KCNA1: variants seen among roughly 807,000 people sequenced by gnomAD.
KCNA1 encodes the protein potassium voltage-gated channel subfamily A member 1.
A neutral mutation model predicts 28.8 loss-of-function variants in KCNA1; 19 were observed. The ratio of observed to expected loss-of-function variants is 0.66; its 90% confidence interval spans 0.46 to 0.97. The LOEUF is 0.97. Ranked by LOEUF, KCNA1 falls within the 50% of genes least tolerant of loss-of-function variation. The probability of loss-of-function intolerance (pLI) is 0.00; values close to 1 mark genes in which losing one functional copy is unlikely to be tolerated. For missense variants in KCNA1, 419 were observed against 659.7 expected, an observed-to-expected ratio of 0.64 and a Z score of 4.00; for synonymous variants, 311 against 268.8, an observed-to-expected ratio of 1.16 and a Z score of -1.53.
In KCNA1 at chr12:4,912,587, C is replaced by T. The variant is rs1475577782; in HGVS notation, c.1209C>T (p.Pro403=). 1.9e-6 allele frequency: 3 copies of T among 1,613,796 alleles called. No homozygotes were observed. Among genetic ancestry groups the T allele is most frequent in the East Asian group, 2.2e-5 (1 of 44,832 alleles). ...AIAGVLTIAL[P]VPVIVSNFNY... ...CTGGTGTGCTAACAATTGCCCTGCCCGTACCTGTCATTGTGTCCAATTTCA... is the reference window on the plus strand; with the variant it reads ...CTGGTGTGCTAACAATTGCCCTGCCTGTACCTGTCATTGTGTCCAATTTCA... Residue 403 remains proline, a synonymous_variant, in exon 2 of 2, where the codon CCC becomes CCT. Coordinates refer to ENST00000382545, the MANE Select transcript of KCNA1 (RefSeq NM_000217.3).
rs1004546607 is a variant in KCNA1, at chr12:4,915,852, C to G, written c.*2986C>G. ...GACTTTGGGTATTTGGTATATTTAC[C>G]GTGGTTACACTCTGGACTGGTTGAT... is the stretch of plus-strand genomic sequence containing the variant. On this transcript the variant is annotated 3_prime_UTR_variant, in exon 2 of 2. Transcript: ENST00000382545. 9 of 167,046 alleles carry G rather than the reference C, an allele frequency of 5.4e-5. No individual in the cohort carries two copies. Among genetic ancestry groups the G allele is most frequent in the Non-Finnish European group, 1.5e-5 (1 of 68,156 alleles). The allele number at this position is 167,046 out of a possible 1,614,324, so 10.3% of individuals were successfully genotyped here.
In KCNA1 at chr12:4,911,927, C is replaced by T. The variant is rs1947354496; in HGVS notation, c.549C>T (p.Ile183=). The T allele has an allele frequency of 6.2e-7, 1 of 1,614,082 alleles. No homozygotes were observed. ...TGGTCATCCTCATCTCCATCGTCAT[C>T]TTTTGCCTGGAGACGCTCCCCGAGC... ...SVMVILISIV[I]FCLETLPELK... is the part of the protein sequence containing the mutation. The change falls in exon 2 of 2, where the codon ATC becomes ATT. Residue 183 remains isoleucine (I), a synonymous_variant. Coordinates refer to ENST00000382545, the MANE Select transcript of KCNA1 (RefSeq NM_000217.3). This position sits in a 1 kb window ranked among gnomAD's most constrained non-coding sequence, Gnocchi z 6.6.
rs1010098226 is a variant in KCNA1 at position 4,917,465 on chromosome 12, C to A, written c.*4599C>A. On this transcript the variant is annotated 3_prime_UTR_variant, in exon 2 of 2. Coordinates refer to ENST00000382545, the MANE Select transcript of KCNA1 (RefSeq NM_000217.3). ...CCATTACCTTGGGTCACTGTGCAAACTAATTCAGGGTACAGATATAAAGTT... is the reference window on the plus strand; with the variant it reads ...CCATTACCTTGGGTCACTGTGCAAAATAATTCAGGGTACAGATATAAAGTT... 2 of 167,062 alleles carry A rather than the reference C, an allele frequency of 1.2e-5. No individual in the cohort carries two copies. Among genetic ancestry groups the A allele is most frequent in the Non-Finnish European group, 2.9e-5 (2 of 68,114 alleles). The allele number at this position is 167,062 out of a possible 1,614,324, so 10.3% of individuals were successfully genotyped here.
In KCNA1 at chr12:4,915,411, C is replaced by T. The variant is rs1488167693; in HGVS notation, c.*2545C>T. ...TAGAACTAGCAGTGAGGCAATCACC[C>T]TAGAAACTCGAGTTACACCCATTCT... On this transcript the variant is annotated 3_prime_UTR_variant, in exon 2 of 2. Transcript: ENST00000382545. The T allele has an allele frequency of 6.0e-6, 1 of 167,054 alleles. No homozygotes were observed. Among genetic ancestry groups the T allele is most frequent in the Non-Finnish European group, 1.5e-5 (1 of 68,128 alleles). 10.3% of individuals were successfully genotyped at this position (167,054 alleles called of 1,614,324 possible). A position where few individuals can be genotyped will look rare whatever the true frequency, so the allele number is the denominator to read the frequency against.
chr12:4,917,867 G>C lies in KCNA1; in HGVS notation c.*5001G>C, dbSNP rs888396558. The C allele has an allele frequency of 1.8e-5, 3 of 167,014 alleles. No homozygotes were observed. Among genetic ancestry groups the C allele is most frequent in the African/African-American group, 7.2e-5 (3 of 41,436 alleles). 10.3% of individuals were successfully genotyped at this position (167,014 alleles called of 1,614,324 possible). ...CTGTTTTGGGACTGTTTATGCAGCA[G>C]ATGTAAGTAGACAACATGGACTCCA... On this transcript the variant is annotated 3_prime_UTR_variant, in exon 2 of 2. Transcript: ENST00000382545.
Position 4,911,986 on chromosome 12 carries a change from A to C in KCNA1, c.608A>C (p.His203Pro), listed in dbSNP as rs1185396833. 1.2e-6 allele frequency: 2 copies of C among 1,614,156 alleles called. No homozygotes were observed. Among genetic ancestry groups the C allele is most frequent in the Non-Finnish European group, 1.7e-6 (2 of 1,180,028 alleles). The change falls in exon 2 of 2, where the codon CAC (histidine) becomes CCC (proline). Residue 203 changes from histidine to proline, a missense_variant. His to Pro is a moderately conservative substitution (Grantham distance 77, BLOSUM62 -2). Coordinates refer to ENST00000382545, the MANE Select transcript of KCNA1 (RefSeq NM_000217.3). The surrounding 1 kb of genome is among the most constrained non-coding windows in gnomAD (Gnocchi z 6.6). Reference protein sequence around the residue: ...KDDKDFTGTVHRIDNTTVIYN... With the variant: ...KDDKDFTGTVPRIDNTTVIYN... ...GACAAGGACTTCACGGGCACCGTCCACCGCATCGACAACACCACGGTCATC... is the reference window on the plus strand; with the variant it reads ...GACAAGGACTTCACGGGCACCGTCCCCCGCATCGACAACACCACGGTCATC...
At position 4,912,885 on chromosome 12, in the gene KCNA1, CA is replaced by C. The variant is rs1260201231; in HGVS notation, c.*25del. On this transcript the variant is annotated 3_prime_UTR_variant, in exon 2 of 2. Transcript: ENST00000382545. ...TGTTTAAAAAACAAAGGCAAGCAAA[CA>C]AAAAAGCCCCACTTAGCAGCTCAAA... 1.3e-6 allele frequency: 2 copies of C among 1,545,808 alleles called. No homozygotes were observed. The highest frequency in any genetic ancestry group is 1.1e-5 in the South Asian group (1 of 89,562).
chr12:4,912,017 T>G lies in KCNA1; in HGVS notation c.639T>G (p.Asn213Lys), dbSNP rs761073190. The G allele has an allele frequency of 1.9e-6, 3 of 1,614,154 alleles. No homozygotes were observed. The Admixed American group carries it at 5.0e-5, about 27-fold the overall frequency. ...HRIDNTTVIYNSNIFTDPFFI... is the reference protein window; with the variant it reads ...HRIDNTTVIYKSNIFTDPFFI... ...TCGACAACACCACGGTCATCTACAA[T>G]TCCAACATCTTCACAGACCCCTTCT... Residue 213 changes from asparagine (N) to lysine (K), a missense_variant, in exon 2 of 2, where the codon AAT becomes AAG. By Grantham distance (94) the Asn-to-Lys change is moderately conservative. This residue lies in a region of KCNA1 where 217 missense variants were observed against 329.6 expected (regional missense o/e 0.66). Coordinates refer to ENST00000382545, the MANE Select transcript of KCNA1 (RefSeq NM_000217.3).
rs767068909 is a variant in KCNA1, at chr12:4,912,760, T to C, written c.1382T>C (p.Met461Thr). 7 of 1,613,970 alleles carry C rather than the reference T, an allele frequency of 4.3e-6. No individual in the cohort carries two copies. Among genetic ancestry groups the C allele is most frequent in the South Asian group, 1.1e-5 (1 of 91,080 alleles). ...GAGTACATGGAGATCGAAGAGGATA[T>C]GAATAATAGCATAGCCCATTATAGA... Reference protein sequence around the residue: ...KSEYMEIEEDMNNSIAHYRQV... With the variant: ...KSEYMEIEEDTNNSIAHYRQV... Residue 461 changes from methionine (M) to threonine (T), a missense_variant, in exon 2 of 2, where the codon ATG becomes ACG. Met to Thr is a moderately conservative substitution (Grantham distance 81). Around this residue, in one of 4 missense-constraint regions of KCNA1, gnomAD observed 81 missense variants for 86.5 expected, o/e 0.94. Transcript: ENST00000382545.
rs1793124111 is a variant in KCNA1 at position 4,917,456 on chromosome 12, C to T, written c.*4590C>T. On this transcript the variant is annotated 3_prime_UTR_variant, in exon 2 of 2. Transcript: ENST00000382545. The stretch of plus-strand genomic sequence containing the variant: ...AAAACTGTTCCATTACCTTGGGTCA[C>T]TGTGCAAACTAATTCAGGGTACAGA... The T allele has an allele frequency of 6.0e-6, 1 of 167,086 alleles. No individual in the cohort carries two copies. The highest frequency in any genetic ancestry group is 2.4e-5 in the African/African-American group (1 of 41,446). The allele number at this position is 167,086 out of a possible 1,614,324, so 10.4% of individuals were successfully genotyped here.
Position 4,911,732 on chromosome 12 carries a change from G to A in KCNA1, c.354G>A (p.Lys118=), listed in dbSNP as rs375267715. ...VPLDMFSEEI[K]FYELGEEAME... ...TGGACATGTTCTCCGAGGAGATCAA[G>A]TTTTACGAGTTGGGCGAGGAGGCCA... is the stretch of plus-strand genomic sequence containing the variant. Residue 118 remains lysine (K), a synonymous_variant, in exon 2 of 2, where the codon AAG becomes AAA. Coordinates refer to ENST00000382545, the MANE Select transcript of KCNA1 (RefSeq NM_000217.3). The surrounding 1 kb of genome is among the most constrained non-coding windows in gnomAD (Gnocchi z 6.6). The A allele has an allele frequency of 4.3e-6, 7 of 1,614,072 alleles. No homozygotes were observed. Among genetic ancestry groups the A allele is most frequent in the Non-Finnish European group, 5.9e-6 (7 of 1,180,046 alleles).
In KCNA1 at chr12:4,912,849, C is replaced by G; in HGVS notation, c.1471C>G (p.Leu491Val). The change falls in exon 2 of 2, where the codon CTA becomes GTA. Residue 491 changes from leucine (L) to valine (V), a missense_variant. Leu to Val is a conservative substitution (Grantham distance 32). Around this residue, in one of 4 missense-constraint regions of KCNA1, gnomAD observed 81 missense variants for 86.5 expected, o/e 0.94. Transcript: ENST00000382545. ...CCAAAACTGCGTTAATAAGAGCAAGCTACTGACCGATGTTTAAAAAACAAA... is the reference window on the plus strand; with the variant it reads ...CCAAAACTGCGTTAATAAGAGCAAGGTACTGACCGATGTTTAAAAAACAAA... ...ANQNCVNKSK[L>V]LTDV The G allele has an allele frequency of 6.2e-7, 1 of 1,612,608 alleles. No homozygotes were observed. The highest frequency in any genetic ancestry group is 1.3e-5 in the African/African-American group (1 of 75,022).
Position 4,911,009 on chromosome 12 carries a change from C to T in KCNA1, c.-370C>T. On this transcript the variant is annotated 5_prime_UTR_variant, in exon 2 of 2. Coordinates refer to ENST00000382545, the MANE Select transcript of KCNA1 (RefSeq NM_000217.3). This position sits in a 1 kb window ranked among gnomAD's most constrained non-coding sequence, Gnocchi z 6.6. The stretch of plus-strand genomic sequence containing the variant: ...AGGGGAGGGGAGGCCAGGGCGACCC[C>T]CGAAGCAATGGCCCAGTCCGCTAGA... 3.6e-6 allele frequency: 1 copy of T among 275,860 alleles called. No individual in the cohort carries two copies. Among genetic ancestry groups the T allele is most frequent in the South Asian group, 4.6e-5 (1 of 21,972 alleles). 17.1% of individuals were successfully genotyped at this position (275,860 alleles called of 1,614,324 possible). A position where few individuals can be genotyped will look rare whatever the true frequency, so the allele number is the denominator to read the frequency against.
rs749022231 is a variant in KCNA1 at position 4,910,936 on chromosome 12, G to C, written c.-443G>C. On this transcript the variant is annotated 5_prime_UTR_variant, in exon 2 of 2. Transcript: ENST00000382545. The surrounding 1 kb of genome is among the most constrained non-coding windows in gnomAD (Gnocchi z 4.9). ...GAGAAGCAGAGAGGGTGGCAGGCGT[G>C]GGGATCTGCCGAGCCGGCACTGCAC... 7 of 197,400 alleles carry C rather than the reference G, an allele frequency of 3.5e-5. No individual in the cohort carries two copies. Among genetic ancestry groups the C allele is most frequent in the Non-Finnish European group, 2.1e-5 (2 of 96,614 alleles). The allele number at this position is 197,400 out of a possible 1,614,324, so 12.2% of individuals were successfully genotyped here.
In KCNA1 at chr12:4,911,181, G is replaced by A; in HGVS notation, c.-198G>A. 1 of 604,430 alleles carries A rather than the reference G, an allele frequency of 1.7e-6. No homozygotes were observed. The allele number at this position is 604,430 out of a possible 1,614,324, so 37.4% of individuals were successfully genotyped here. ...GAGGGGGATTCCAAACTGAGTGAAA[G>A]GCAGGGTGGAGGGGAAGGCAGCGAG... On this transcript the variant is annotated 5_prime_UTR_variant, in exon 2 of 2. Coordinates refer to ENST00000382545, the MANE Select transcript of KCNA1 (RefSeq NM_000217.3). The surrounding 1 kb of genome is among the most constrained non-coding windows in gnomAD (Gnocchi z 6.6).
chr12:4,912,984 G>GA lies in KCNA1; in HGVS notation c.*120dup, dbSNP rs1465572800. 8.8e-6 allele frequency: 7 copies of GA among 793,634 alleles called. No individual in the cohort carries two copies. In the African/African-American group the frequency reaches 1.2e-4, roughly 14 times the overall value. The allele number at this position is 793,634 out of a possible 1,614,324, so 49.2% of individuals were successfully genotyped here. ...GTAGATACTTTACTAAGTAGACTTG[G>GA]AATGCTCTATTTAACTGTCAATGCG... On this transcript the variant is annotated 3_prime_UTR_variant, in exon 2 of 2. Coordinates refer to ENST00000382545, the MANE Select transcript of KCNA1 (RefSeq NM_000217.3).
Position 4,915,139 on chromosome 12 carries a change from C to G in KCNA1, c.*2273C>G, listed in dbSNP as rs1163403022. 2 of 118,934 alleles carry G rather than the reference C, an allele frequency of 1.7e-5. No individual in the cohort carries two copies. Among genetic ancestry groups the G allele is most frequent in the Non-Finnish European group, 4.6e-5 (2 of 43,452 alleles). The allele number at this position is 118,934 out of a possible 1,614,324, so 7.4% of individuals were successfully genotyped here. On this transcript the variant is annotated 3_prime_UTR_variant, in exon 2 of 2. Coordinates refer to ENST00000382545, the MANE Select transcript of KCNA1 (RefSeq NM_000217.3). ...AGGTTGAACATCTAACTTCTGCTGCCCCCCCGTTACCCAGCCCAGAGAATG... is the reference window on the plus strand; with the variant it reads ...AGGTTGAACATCTAACTTCTGCTGCGCCCCCGTTACCCAGCCCAGAGAATG...
At position 4,911,155 on chromosome 12, in the gene KCNA1, C is replaced by G. The variant is rs1947347895; in HGVS notation, c.-224C>G. ...CAAAAAGCTGCACCCGGCCCGCAGGCGAGGGGGATTCCAAACTGAGTGAAA... is the reference window on the plus strand; with the variant it reads ...CAAAAAGCTGCACCCGGCCCGCAGGGGAGGGGGATTCCAAACTGAGTGAAA... On this transcript the variant is annotated 5_prime_UTR_variant, in exon 2 of 2. Coordinates refer to ENST00000382545, the MANE Select transcript of KCNA1 (RefSeq NM_000217.3). The surrounding 1 kb of genome is among the most constrained non-coding windows in gnomAD (Gnocchi z 6.6). 1 of 599,166 alleles carries G rather than the reference C, an allele frequency of 1.7e-6. No individual in the cohort carries two copies. The highest frequency in any genetic ancestry group is 3.0e-6 in the Non-Finnish European group (1 of 336,738). 37.1% of individuals were successfully genotyped at this position (599,166 alleles called of 1,614,324 possible).
rs766618582 is a variant in KCNA1 at position 4,912,047 on chromosome 12, C to T, written c.669C>T (p.Ile223=). ...NSNIFTDPFF[I]VETLCIIWFS... is the part of the protein sequence containing the mutation. ...ACATCTTCACAGACCCCTTCTTCAT[C>T]GTGGAAACGCTGTGTATCATCTGGT... The change falls in exon 2 of 2, where the codon ATC becomes ATT. Residue 223 remains isoleucine (I), a synonymous_variant. Transcript: ENST00000382545. 1.9e-6 allele frequency: 3 copies of T among 1,614,080 alleles called. No individual in the cohort carries two copies. The highest frequency in any genetic ancestry group is 4.5e-5 in the East Asian group (2 of 44,880).
Sources: gnomAD v4.1 joint callset for allele counts on GRCh38, gnomAD v4.1.1 for gene constraint, gnomAD v4.1.1 regional missense constraint, Gnocchi (gnomAD v3.1) non-coding constraint, MANE v1.5 for transcripts, NCBI Gene and HGNC (gene_info 2026-07-23, HGNC 2026-07-21) for gene names.